Variants in FRY observed in about 807,000 individuals in gnomAD.
FRY encodes the protein protein furry homolog.
In FRY, 128 loss-of-function variants were observed where a neutral mutation model predicts 348.4. The observed-to-expected ratio is 0.37, with a 90% confidence interval of 0.32 to 0.43. The LOEUF is 0.43. Among genes scored for constraint, FRY ranks in the 20% least tolerant of loss-of-function variants. The probability of loss-of-function intolerance (pLI) is 1.00; values close to 1 mark genes in which losing one functional copy is unlikely to be tolerated. For missense variants in FRY, 2,736 were observed against 3,695.2 expected (o/e 0.74, Z 6.73); for synonymous variants, 1,370 against 1,374.7 (o/e 1.00, Z 0.08).
At chr13:32,168,533 G>T (rs888971058) in intron 17 of FRY, among the ~76,000 whole-genome samples, 1 of 152,196 alleles carries the variant, frequency 6.6e-6, no homozygotes, top group African/African-American at 2.4e-5. Flanking sequence ...AGATAGATAT[G>T]CTGCTGAATG....
chr13:32,143,915 A>G (rs1450715028), intron 11 of FRY, among the ~76,000 whole-genome samples: 1 of 152,158 alleles, frequency 6.6e-6, no homozygotes, highest in Non-Finnish European at 1.5e-5. Context: ...CAGACAGGGA[A>G]AATCAGACCC....
intron 3 of FRY, among the ~76,000 whole-genome samples, chr13:32,109,083 C>T (rs372558272): frequency 1.6e-4 from 24 of 152,022 alleles, no homozygotes; most frequent in African/African-American, 5.8e-4. Context: ...AGATTCTAAG[C>T]TAAAGGGGCC....
chr13:32,178,730 C>G, intron 21 of FRY, 114 bp from the exon 22 acceptor site: 1 of 786,076 alleles, frequency 1.3e-6, no homozygotes, highest in Non-Finnish European at 2.2e-6. Context: ...GAATAACATT[C>G]TTAATCGACA....
At chr13:32,236,564 T>A (rs373695704) in intron 43 of FRY, among the ~76,000 whole-genome samples, 20 of 152,326 alleles carry the variant, frequency 1.3e-4, no homozygotes, top group African/African-American at 4.6e-4. Flanking sequence ...ATACAAAGCT[T>A]CTGAACTGTT....
Position 32,117,314 on chromosome 13 carries a change from A to G in FRY, c.325-20A>G, listed in dbSNP as rs757558736. 20 of 1,612,960 alleles carry G rather than the reference A, an allele frequency of 1.2e-5. No individual in the cohort carries two copies. In the South Asian group the frequency reaches 1.8e-4, roughly 14 times the overall value. ...TGGCAGTGCTACCAGTGTTCTAATC[A>G]CCTGCATTTTCCTCCATAGGTCATC... On this transcript the variant is annotated intron_variant, in intron 3 of 60. Coordinates refer to ENST00000542859, the MANE Select transcript of FRY (RefSeq NM_023037.3).
At chr13:32,111,867 A>G (rs1877988295) in intron 3 of FRY, among the ~76,000 whole-genome samples, 1 of 152,162 alleles carries the variant, frequency 6.6e-6, no homozygotes, top group South Asian at 2.1e-4. Context: ...GTCCTTTCTC[A>G]TTGGCTTTGA....
chr13:32,172,355 A>G (rs1882139603), intron 18 of FRY, among the ~76,000 whole-genome samples: 1 of 152,080 alleles, frequency 6.6e-6, no homozygotes, highest in Admixed American at 6.6e-5. Context: ...GGATGTACAT[A>G]TTGATATGGA....
At chr13:32,112,472 A>G (rs2138674668) in intron 3 of FRY, among the ~76,000 whole-genome samples, 1 of 152,314 alleles carries the variant, frequency 6.6e-6, no homozygotes, top group South Asian at 2.1e-4. Flanking sequence ...ACTTGAACCC[A>G]AGACCATTTG....
At chr13:32,246,413 A>T (rs1452369034) in intron 47 of FRY, among the ~76,000 whole-genome samples, 1 of 152,208 alleles carries the variant, frequency 6.6e-6, no homozygotes, top group Non-Finnish European at 1.5e-5. Context: ...GAAGAGTAGG[A>T]ATTTGACATG....
chr13:32,128,525 G>C (rs1218712872), intron 7 of FRY, among the ~76,000 whole-genome samples: 1 of 152,190 alleles, frequency 6.6e-6, no homozygotes, highest in Admixed American at 6.5e-5. Flanking sequence ...CTATTCTAGA[G>C]AGGGCAGAGA....
intron 58 of FRY, 112 bp downstream of exon 58, chr13:32,278,660 C>T: frequency 1.3e-6 from 1 of 768,212 alleles, no homozygotes; most frequent in Non-Finnish European, 2.4e-6. Context: ...ATGAGTCACC[C>T]CAAACATTTA....
At chr13:32,127,959 C>G (rs1879128654) in intron 7 of FRY, among the ~76,000 whole-genome samples, 1 of 152,106 alleles carries the variant, frequency 6.6e-6, no homozygotes, top group Admixed American at 6.5e-5. Context: ...ATCGTGTCAT[C>G]TTTAAAACTA....
intron 1 of FRY, among the ~76,000 whole-genome samples, chr13:32,074,721 C>A (rs1203914503): frequency 1.3e-5 from 2 of 152,150 alleles, no homozygotes; most frequent in African/African-American, 4.8e-5. Context: ...GTTTTTAATA[C>A]AACAAATTAA....
Position 32,157,363 on chromosome 13 carries a change from C to T in FRY, c.1742C>T (p.Thr581Ile). 1 of 1,613,204 alleles carries T rather than the reference C, an allele frequency of 6.2e-7. No individual in the cohort carries two copies. The highest frequency in any genetic ancestry group is 1.1e-5 in the South Asian group (1 of 91,074). The change falls in exon 16 of 61, where the codon ACT becomes ATT. Residue 581 changes from threonine (T) to isoleucine (I), a missense_variant. This residue lies in a region of FRY where 191 missense variants were observed against 370.2 expected (regional missense o/e 0.52). Transcript: ENST00000542859. ...DKEVGRCMML[T>I]NVQMLNKEPE... is the part of the protein sequence containing the mutation. ...GAAGTAGGAAGGTGTATGATGCTGA[C>T]TAATGTACAGATGTTAAACAAAGAA...
chr13:32,286,956 G>A (rs903941244), intron 58 of FRY, among the ~76,000 whole-genome samples: 4 of 151,060 alleles, frequency 2.6e-5, no homozygotes, highest in African/African-American at 9.7e-5. Flanking sequence ...TCAGGAGTTC[G>A]AGACCAGCCT....
chr13:32,169,957 C>T (rs1018213331), intron 17 of FRY, among the ~76,000 whole-genome samples: 6 of 152,232 alleles, frequency 3.9e-5, no homozygotes, highest in African/African-American at 1.4e-4. Flanking sequence ...CATTTTGGGC[C>T]AGAAAATTCT....
intron 11 of FRY, among the ~76,000 whole-genome samples, chr13:32,140,334 G>C (rs879428671): frequency 1.3e-5 from 2 of 152,192 alleles, no homozygotes; most frequent in Non-Finnish European, 2.9e-5. Context: ...CTGAAGGTTA[G>C]ACATGATTCA....
chr13:32,174,536 C>T (rs1490449686), intron 19 of FRY, among the ~76,000 whole-genome samples: 2 of 151,994 alleles, frequency 1.3e-5, no homozygotes, highest in African/African-American at 4.8e-5. Flanking sequence ...GGTTATTATC[C>T]CATTGTACAG....
At position 32,096,556 on chromosome 13, in the gene FRY, C is replaced by T. The variant is rs937228068; in HGVS notation, c.271-5407C>T. Among the ~76,000 whole-genome samples, 5 of 152,086 alleles carry T rather than the reference C, an allele frequency of 3.3e-5. No individual in the cohort carries two copies. In the East Asian group the frequency reaches 9.7e-4, roughly 29 times the overall value. ...CTGTAATCCTAGCAGTTTGGGAGGC[C>T]CAGGTGGGCGGATCACCTGCGGTCA... On this transcript the variant is annotated intron_variant, in intron 2 of 60. Transcript: ENST00000542859.
Sources: gnomAD v4.1 joint callset for allele counts (sites outside exome capture counted in the v4.1 genomes callset) on GRCh38, gnomAD v4.1.1 for gene constraint, gnomAD v4.1.1 regional missense constraint, MANE v1.5 for transcripts, NCBI Gene and HGNC (gene_info 2026-07-23, HGNC 2026-07-21) for gene names.